Variants in CNBD1 observed in about 807,000 individuals in gnomAD.
CNBD1 encodes cyclic nucleotide-binding domain-containing protein 1.
In CNBD1, 71 loss-of-function variants were observed where a neutral mutation model predicts 54.4. That is an observed-to-expected ratio of 1.30 (90% CI 1.08 to 1.59). The LOEUF (loss-of-function observed/expected upper bound fraction) is 1.59, where lower values mean the gene tolerates loss of function less well. CNBD1 is among the 40% of genes most tolerant of loss of function. The pLI, the probability that CNBD1 is intolerant of heterozygous loss-of-function variation, is 0.00. For missense variants in CNBD1, 659 were observed against 518.0 expected (o/e 1.27, Z -2.64); for synonymous variants, 182 against 170.7 (o/e 1.07, Z -0.51).
intron 8 of CNBD1, among the ~76,000 whole-genome samples, chr8:87,339,135 C>A (rs1810012222): frequency 6.6e-6 from 1 of 150,930 alleles, no homozygotes; most frequent in African/African-American, 2.4e-5. Flanking sequence ...GAGAGAAGAT[C>A]TTGTTAAGGA....
At chr8:86,886,327 C>T (rs112354017) in intron 1 of CNBD1, among the ~76,000 whole-genome samples, 2,077 of 152,142 alleles carry the variant, frequency 0.014, 22 homozygotes, top group South Asian at 0.033. Flanking sequence ...TTCCATATGA[C>T]GCTAACACAC....
chr8:87,048,620 C>G lies in CNBD1; in HGVS notation c.431+108866C>G, dbSNP rs148642810. Among the ~76,000 whole-genome samples the G allele has an allele frequency of 5.6e-3, 854 of 152,226 alleles. 11 individuals carry two copies. Among genetic ancestry groups the G allele is most frequent in the African/African-American group, 0.02 (813 of 41,538 alleles). On this transcript the variant is annotated intron_variant, in intron 4 of 10. Coordinates refer to ENST00000518476, the MANE Select transcript of CNBD1 (RefSeq NM_173538.3). ...TCAGGAGTCCAAAACAAGAAGTTAT[C>G]TCATTAATTAGTACTCTTACCACCT...
At chr8:87,363,350 T>A (rs1043209511) in intron 10 of CNBD1, among the ~76,000 whole-genome samples, 3 of 152,166 alleles carry the variant, frequency 2.0e-5, no homozygotes, top group African/African-American at 7.2e-5. Context: ...TATCATCCTT[T>A]GGGTACATAC....
At chr8:87,314,395 A>G (rs1401883635) in intron 8 of CNBD1, among the ~76,000 whole-genome samples, 1 of 151,900 alleles carries the variant, frequency 6.6e-6, no homozygotes, top group Non-Finnish European at 1.5e-5. Context: ...GCAGCTAAAA[A>G]GGATTTGAGG....
chr8:87,336,022 G>A (rs905726270), intron 8 of CNBD1, among the ~76,000 whole-genome samples: 2 of 152,084 alleles, frequency 1.3e-5, no homozygotes, highest in Admixed American at 6.6e-5. Flanking sequence ...TTGAATATTG[G>A]CCCCACTCTC....
At chr8:87,329,591 A>G (rs1298285104) in intron 8 of CNBD1, among the ~76,000 whole-genome samples, 2 of 152,070 alleles carry the variant, frequency 1.3e-5, no homozygotes, top group Non-Finnish European at 2.9e-5. Flanking sequence ...AGAACTTTGT[A>G]GTTTTATTCA....
chr8:87,138,660 T>G (rs1812309641), intron 4 of CNBD1, among the ~76,000 whole-genome samples: 1 of 152,186 alleles, frequency 6.6e-6, no homozygotes, highest in African/African-American at 2.4e-5. Context: ...CCTGACTCCT[T>G]GGTTTTGGCC....
chr8:87,221,674 G>T (rs1299537818), intron 5 of CNBD1, among the ~76,000 whole-genome samples: 3 of 151,804 alleles, frequency 2.0e-5, no homozygotes, highest in Non-Finnish European at 4.4e-5. Context: ...TATATACTTT[G>T]TAATTTTCAC....
chr8:87,319,250 G>C (rs13280420), intron 8 of CNBD1, among the ~76,000 whole-genome samples: 40,817 of 151,994 alleles, frequency 0.27, 6,415 homozygotes, highest in Middle Eastern at 0.4. Context: ...AGCAAGGAAG[G>C]GGGTAATAAT....
intron 8 of CNBD1, among the ~76,000 whole-genome samples, chr8:87,340,237 C>T (rs1257419857): frequency 2.0e-5 from 3 of 152,180 alleles, no homozygotes; most frequent in Non-Finnish European, 4.4e-5. Context: ...GCTGAGAAAT[C>T]TGCTGATGGT....
intron 2 of CNBD1, among the ~76,000 whole-genome samples, chr8:87,395,873 G>T (rs1422869318): frequency 6.6e-5 from 10 of 151,838 alleles, no homozygotes; most frequent in Admixed American, 5.9e-4. Flanking sequence ...GTTCTCACAG[G>T]ATCTGATCAT....
chr8:87,157,983 A>G (rs367545777), intron 4 of CNBD1, among the ~76,000 whole-genome samples: 9 of 152,264 alleles, frequency 5.9e-5, no homozygotes, highest in African/African-American at 2.2e-4. Flanking sequence ...TATTGCTCAT[A>G]TGAGTATGAG....
At chr8:86,991,421 C>G (rs1393336526) in intron 4 of CNBD1, among the ~76,000 whole-genome samples, 1 of 151,896 alleles carries the variant, frequency 6.6e-6, no homozygotes, top group East Asian at 1.9e-4. Flanking sequence ...TTTTGTTAAT[C>G]TAGTTAGTGC....
In CNBD1 at chr8:86,995,393, G is replaced by A. The variant is rs112437693; in HGVS notation, c.431+55639G>A. ...GGTAAATCAACAAGTGAGAGTGGCT[G>A]TGTTCCCAACAAACTAGTTACAAAA... On this transcript the variant is annotated intron_variant, in intron 4 of 10. Coordinates refer to ENST00000518476, the MANE Select transcript of CNBD1 (RefSeq NM_173538.3). 2.3e-3 allele frequency among the ~76,000 whole-genome samples: 354 copies of A among 152,294 alleles called. 2 individuals carry two copies. The highest frequency in any genetic ancestry group is 8.2e-3 in the African/African-American group (341 of 41,568).
chr8:87,082,044 A>C (rs2130666628), intron 4 of CNBD1, among the ~76,000 whole-genome samples: 1 of 152,326 alleles, frequency 6.6e-6, no homozygotes, highest in East Asian at 1.9e-4. Context: ...ATTGATTGTC[A>C]GGCCTCTGAG....
intron 8 of CNBD1, among the ~76,000 whole-genome samples, chr8:87,343,384 G>A (rs550177465): frequency 5.9e-5 from 9 of 152,178 alleles, no homozygotes; most frequent in Non-Finnish European, 1.3e-4. Context: ...ATGAGATTAA[G>A]TGATTAAAGA....
chr8:87,032,476 G>A (rs1809816008), intron 4 of CNBD1, among the ~76,000 whole-genome samples: 1 of 152,152 alleles, frequency 6.6e-6, no homozygotes, highest in African/African-American at 2.4e-5. Context: ...TTAAGTGGAA[G>A]TGAATCATCA....
rs562891935 is a variant in CNBD1 at position 86,924,623 on chromosome 8, A to C, written c.273-14973A>C. ...ATATTTTTTTGCCTGACAGGAGTTC[A>C]ACAAATGTTTCTGAATTGAATTATA... On this transcript the variant is annotated intron_variant, in intron 3 of 10. Transcript: ENST00000518476. 2.6e-5 allele frequency among the ~76,000 whole-genome samples: 4 copies of C among 152,276 alleles called. No homozygotes were observed. The East Asian group carries it at 7.7e-4, about 29-fold the overall frequency.
At position 87,355,477 on chromosome 8, in the gene CNBD1, A is replaced by G. The variant is rs565143367; in HGVS notation, c.1303+1691A>G. ...TCTAAAATTTTAGAGCTCTAGTAAT[A>G]ATAACAGAATAATAATGCAGCCACC... On this transcript the variant is annotated intron_variant, in intron 10 of 10. Coordinates refer to ENST00000518476, the MANE Select transcript of CNBD1 (RefSeq NM_173538.3). Among the ~76,000 whole-genome samples, 13 of 152,288 alleles carry G rather than the reference A, an allele frequency of 8.5e-5. No homozygotes were observed. In the East Asian group the frequency reaches 2.5e-3, roughly 29 times the overall value.
Sources: allele counts gnomAD v4.1 joint callset (sites outside exome capture counted in the v4.1 genomes callset), GRCh38; gene constraint gnomAD v4.1.1; transcripts MANE v1.5; gene names NCBI Gene and HGNC (gene_info 2026-07-23, HGNC 2026-07-21).